The following AHCYL2 variants were observed in gnomAD, a reference collection of about 807,000 sequenced individuals.
The protein encoded by AHCYL2 is adenosylhomocysteinase like 2, also known as S-adenosylhomocysteine hydrolase-like protein 2.
In AHCYL2, 28 loss-of-function variants were observed where a neutral mutation model predicts 81.4. That is an observed-to-expected ratio of 0.34 (90% CI 0.25 to 0.47). The LOEUF is 0.47. Ranked by LOEUF, AHCYL2 falls within the 20% of genes least tolerant of loss-of-function variation. AHCYL2 has a pLI of 1.00. For missense variants in AHCYL2, 551 were observed against 785.1 expected, an observed-to-expected ratio of 0.70 and a Z score of 3.56; for synonymous variants, 272 against 290.2, an observed-to-expected ratio of 0.94 and a Z score of 0.64.
At chr7:129,359,044 C>T (rs1387371594) in intron 1 of AHCYL2, among the ~76,000 whole-genome samples, 1 of 152,082 alleles carries the variant, frequency 6.6e-6, no homozygotes, top group Non-Finnish European at 1.5e-5. Context: ...TACCGAAAGA[C>T]ATACAAGAAT....
At chr7:129,377,537 T>A (rs773803203) in intron 1 of AHCYL2, 1 of 456,724 alleles carries the variant, frequency 2.2e-6, no homozygotes, top group South Asian at 1.5e-5. Context: ...TACCTCTAAC[T>A]GCAGGAAGTG....
At chr7:129,335,013 T>A (rs1201285416) in intron 1 of AHCYL2, among the ~76,000 whole-genome samples, 1 of 152,254 alleles carries the variant, frequency 6.6e-6, no homozygotes, top group Admixed American at 6.5e-5. Context: ...TCTCTGGTCC[T>A]AAGTTTTTGA....
chr7:129,285,177 T>C (rs1254017056), intron 1 of AHCYL2, among the ~76,000 whole-genome samples: 1 of 152,178 alleles, frequency 6.6e-6, no homozygotes, highest in Non-Finnish European at 1.5e-5. Flanking sequence ...TATTTATATA[T>C]GTAGCCTCCC....
chr7:129,225,264 C>T lies in AHCYL2; in HGVS notation c.188C>T (p.Pro63Leu), dbSNP rs1461884665. 1.4e-6 allele frequency: 2 copies of T among 1,454,040 alleles called. No homozygotes were observed. The highest frequency in any genetic ancestry group is 2.7e-5 in the South Asian group (2 of 73,602). 90.1% of individuals were successfully genotyped at this position (1,454,040 alleles called of 1,614,324 possible). A position where few individuals can be genotyped will look rare whatever the true frequency, so the allele number is the denominator to read the frequency against. Residue 63 changes from proline (P) to leucine (L), a missense_variant, in exon 1 of 17, where the codon CCC (proline) becomes CTC (leucine). Pro to Leu is a moderately conservative substitution (Grantham distance 98). Coordinates refer to ENST00000325006, the MANE Select transcript of AHCYL2 (RefSeq NM_015328.4). ...CCCGCCGCGGAGCGGCCCCCGGTCC[C>T]CGGCCCGGGCTCGGGGCCCGCCGCC... is the stretch of plus-strand genomic sequence containing the variant. ...PAPAAERPPVPGPGSGPAAAL... is the reference protein window; with the variant it reads ...PAPAAERPPVLGPGSGPAAAL...
chr7:129,357,902 C>T (rs1793790753), intron 1 of AHCYL2, among the ~76,000 whole-genome samples: 2 of 150,538 alleles, frequency 1.3e-5, no homozygotes, highest in Non-Finnish European at 3.0e-5. Context: ...CCACTGCACT[C>T]CAGCCTGGGT....
intron 1 of AHCYL2, among the ~76,000 whole-genome samples, chr7:129,296,775 A>G (rs754072790): frequency 4.6e-5 from 7 of 152,142 alleles, no homozygotes; most frequent in Non-Finnish European, 7.4e-5. Flanking sequence ...ATAGAGAGTA[A>G]ATGCCTGGTT....
At position 129,368,638 on chromosome 7, in the gene AHCYL2, A is replaced by C. The variant is rs1421185810; in HGVS notation, c.364-11000A>C. On this transcript the variant is annotated intron_variant, in intron 1 of 16. Transcript: ENST00000325006. The surrounding 1 kb of genome is among the most constrained non-coding windows in gnomAD (Gnocchi z 4.4). Reference sequence around the variant, plus strand: ...TGACGGGTGACAAGGATCACCTCTGAGAAGCTCCTACCAAGATCCGTGGTT... The same window carrying C: ...TGACGGGTGACAAGGATCACCTCTGCGAAGCTCCTACCAAGATCCGTGGTT... 6.7e-7 allele frequency: 1 copy of C among 1,498,698 alleles called. No homozygotes were observed. Among genetic ancestry groups the C allele is most frequent in the South Asian group, 1.1e-5 (1 of 88,376 alleles). The allele number at this position is 1,498,698 out of a possible 1,614,324, so 92.8% of individuals were successfully genotyped here.
intron 1 of AHCYL2, among the ~76,000 whole-genome samples, chr7:129,346,100 G>C (rs754125067): frequency 6.6e-6 from 1 of 152,068 alleles, no homozygotes; most frequent in Non-Finnish European, 1.5e-5. Context: ...AGAAGGTAAG[G>C]GTGTGTAATT....
At chr7:129,303,540 C>T (rs1797323365) in intron 1 of AHCYL2, among the ~76,000 whole-genome samples, 1 of 152,046 alleles carries the variant, frequency 6.6e-6, no homozygotes, top group South Asian at 2.1e-4. Context: ...TTGGTCTTCT[C>T]ATGTTTTTTC....
At chr7:129,308,441 G>A (rs1338831507) in intron 1 of AHCYL2, among the ~76,000 whole-genome samples, 4 of 152,222 alleles carry the variant, frequency 2.6e-5, no homozygotes, top group African/African-American at 9.6e-5. Context: ...GCTGCCAGGG[G>A]ATGGGAGAGG....
intron 1 of AHCYL2, among the ~76,000 whole-genome samples, chr7:129,340,721 A>T (rs1435184467): frequency 6.6e-6 from 1 of 152,190 alleles, no homozygotes; most frequent in African/African-American, 2.4e-5. Flanking sequence ...TTTTTTAAAA[A>T]TTATGAATTG....
At chr7:129,296,756 A>G (rs1466072361) in intron 1 of AHCYL2, among the ~76,000 whole-genome samples, 2 of 152,174 alleles carry the variant, frequency 1.3e-5, no homozygotes, top group African/African-American at 4.8e-5. Flanking sequence ...AGAATGGTCC[A>G]TGCAGTTGAT....
At chr7:129,379,801 T>G in intron 2 of AHCYL2, 52 bp downstream of exon 2, 1 of 1,397,814 alleles carries the variant, frequency 7.2e-7, no homozygotes, top group East Asian at 2.3e-5. Context: ...AAGTACGATC[T>G]CAATGGGCCC....
intron 1 of AHCYL2, among the ~76,000 whole-genome samples, chr7:129,260,324 A>G (rs1466547299): frequency 1.3e-5 from 2 of 152,192 alleles, no homozygotes; most frequent in Non-Finnish European, 2.9e-5. Flanking sequence ...CATTTACTAT[A>G]TGCAAAGCTT....
chr7:129,230,871 C>T (rs2150674775), intron 1 of AHCYL2, among the ~76,000 whole-genome samples: 1 of 152,226 alleles, frequency 6.6e-6, no homozygotes, highest in East Asian at 1.9e-4. Context: ...ACGCCTGGCC[C>T]TAAATCTTAA....
intron 1 of AHCYL2, among the ~76,000 whole-genome samples, chr7:129,285,770 A>G (rs1796610289): frequency 1.4e-5 from 2 of 138,196 alleles, no homozygotes; most frequent in South Asian, 4.6e-4. Flanking sequence ...CACGATCTCA[A>G]CCTCCACCTT....
intron 1 of AHCYL2, among the ~76,000 whole-genome samples, chr7:129,339,955 G>A (rs1432664771): frequency 1.7e-5 from 2 of 115,224 alleles, no homozygotes; most frequent in Non-Finnish European, 3.2e-5. Context: ...GTCTCGCTCC[G>A]TCGCCCAGGC....
chr7:129,378,509 G>C (rs1794799238), intron 1 of AHCYL2, among the ~76,000 whole-genome samples: 1 of 152,102 alleles, frequency 6.6e-6, no homozygotes, highest in African/African-American at 2.4e-5. Context: ...TCTAAAACCT[G>C]TGAGGTAAGT....
At chr7:129,370,499 T>C (rs74368490) in intron 1 of AHCYL2, among the ~76,000 whole-genome samples, 82,339 of 151,772 alleles carry the variant, frequency 0.54, 22,963 homozygotes, top group East Asian at 0.81. Flanking sequence ...GAGATCAAGA[T>C]CATCCTGGCT....
Sources: allele counts gnomAD v4.1 joint callset (sites outside exome capture counted in the v4.1 genomes callset), GRCh38; gene constraint gnomAD v4.1.1; non-coding constraint Gnocchi (gnomAD v3.1); transcripts MANE v1.5; gene names NCBI Gene and HGNC (gene_info 2026-07-23, HGNC 2026-07-21).